NPFFR2: variants seen among roughly 807,000 people sequenced by gnomAD.
NPFFR2 encodes G-protein coupled receptor 74.
A neutral mutation model predicts 13.1 loss-of-function variants in NPFFR2; 15 were observed. That is an observed-to-expected ratio of 1.15 (90% confidence interval 0.77 to 1.76). The LOEUF is 1.76. Among genes scored for constraint, NPFFR2 ranks in the 40% most tolerant of loss-of-function variants. NPFFR2 has a pLI of 0.00. For missense variants in NPFFR2, 572 were observed against 503.5 expected, an observed-to-expected ratio of 1.14 and a Z score of -1.30; for synonymous variants, 190 against 175.7, an observed-to-expected ratio of 1.08 and a Z score of -0.65.
intron 1 of NPFFR2, among the ~76,000 whole-genome samples, chr4:72,121,332 A>T (rs1721872292): frequency 6.6e-6 from 1 of 152,188 alleles, no homozygotes; most frequent in South Asian, 2.1e-4. Context: ...ACTTTTCAGG[A>T]TATTATCCAG....
intron 1 of NPFFR2, among the ~76,000 whole-genome samples, chr4:72,079,596 A>G (rs1244364553): frequency 1.3e-5 from 2 of 152,226 alleles, no homozygotes; most frequent in Non-Finnish European, 2.9e-5. Flanking sequence ...TTGTTTAGGA[A>G]AAGATAAAAT....
intron 1 of NPFFR2, among the ~76,000 whole-genome samples, chr4:72,124,131 G>A (rs971269347): frequency 6.6e-6 from 1 of 152,086 alleles, no homozygotes; most frequent in Non-Finnish European, 1.5e-5. Flanking sequence ...TAGAAAAATA[G>A]AGCCAAATCA....
chr4:72,084,560 G>A (rs1175628566), intron 1 of NPFFR2, among the ~76,000 whole-genome samples: 1 of 152,148 alleles, frequency 6.6e-6, no homozygotes, highest in Non-Finnish European at 1.5e-5. Flanking sequence ...CAGTGCCTCA[G>A]ATTAATCATT....
At chr4:72,051,368 A>T (rs960853111) in intron 1 of NPFFR2, among the ~76,000 whole-genome samples, 1 of 152,158 alleles carries the variant, frequency 6.6e-6, no homozygotes, top group Non-Finnish European at 1.5e-5. Flanking sequence ...CTACATGGAA[A>T]CTGAACGACC....
At chr4:72,086,052 C>T (rs981985506) in intron 1 of NPFFR2, among the ~76,000 whole-genome samples, 1 of 151,984 alleles carries the variant, frequency 6.6e-6, no homozygotes, top group Admixed American at 6.6e-5. Flanking sequence ...TATCACATCA[C>T]AAGGTTATTA....
chr4:72,079,053 AACACACAC>A (rs59522916), intron 1 of NPFFR2, among the ~76,000 whole-genome samples: 115 of 139,214 alleles, frequency 8.3e-4, no homozygotes, highest in Non-Finnish European at 1.6e-3. Flanking sequence ...CATAGAACTA[AACACACAC>A]ACACACACAC....
At chr4:72,139,202 G>A (rs1206085800) in intron 3 of NPFFR2, among the ~76,000 whole-genome samples, 1 of 152,144 alleles carries the variant, frequency 6.6e-6, no homozygotes, top group Non-Finnish European at 1.5e-5. Context: ...CTCCCATTCT[G>A]TAGGTTGTCT....
intron 1 of NPFFR2, among the ~76,000 whole-genome samples, chr4:72,043,605 C>T (rs1235595443): frequency 2.6e-5 from 4 of 152,208 alleles, no homozygotes; most frequent in East Asian, 1.9e-4. Flanking sequence ...TAATAATTGC[C>T]CTATTGGATT....
At chr4:72,074,272 A>G (rs6813475) in intron 1 of NPFFR2, among the ~76,000 whole-genome samples, 136,719 of 151,930 alleles carry the variant, frequency 0.9, 62,463 homozygotes, top group Non-Finnish European at 0.98. Context: ...TTATTTTTGG[A>G]CTTTTCAATT....
chr4:72,146,906 A>T, intron 3 of NPFFR2, 72 bp from the exon 4 acceptor site: 1 of 1,021,880 alleles, frequency 9.8e-7, no homozygotes, highest in Non-Finnish European at 1.5e-6. Flanking sequence ...GTAACTACAT[A>T]AATAAATTTG....
At chr4:72,121,582 G>A (rs1721883234) in intron 1 of NPFFR2, among the ~76,000 whole-genome samples, 1 of 152,182 alleles carries the variant, frequency 6.6e-6, no homozygotes. Flanking sequence ...CAAGAAGAGA[G>A]TAGGGGCCAA....
intron 1 of NPFFR2, among the ~76,000 whole-genome samples, chr4:72,044,175 C>A (rs891654599): frequency 6.6e-6 from 1 of 152,118 alleles, no homozygotes; most frequent in Non-Finnish European, 1.5e-5. Context: ...TTCCTGAGGC[C>A]TCCCCACTCA....
intron 1 of NPFFR2, among the ~76,000 whole-genome samples, chr4:72,071,911 T>C (rs1440932124): frequency 6.6e-6 from 1 of 152,104 alleles, no homozygotes; most frequent in Admixed American, 6.6e-5. Context: ...CATTGAAGAC[T>C]AGCTCATTGA....
intron 1 of NPFFR2, among the ~76,000 whole-genome samples, chr4:72,043,003 T>C (rs962530374): frequency 6.6e-6 from 1 of 152,170 alleles, no homozygotes; most frequent in Non-Finnish European, 1.5e-5. Flanking sequence ...AAATGGTTTC[T>C]TAGGCCAAGT....
chr4:72,063,027 A>G (rs1425822482), intron 1 of NPFFR2, among the ~76,000 whole-genome samples: 2 of 152,244 alleles, frequency 1.3e-5, no homozygotes, highest in African/African-American at 2.4e-5. Flanking sequence ...AACTGTACAT[A>G]CACAGTGACA....
intron 2 of NPFFR2, among the ~76,000 whole-genome samples, chr4:72,135,479 T>C (rs982968274): frequency 3.9e-5 from 6 of 152,076 alleles, no homozygotes; most frequent in African/African-American, 1.4e-4. Context: ...GTCTCAACTT[T>C]CTCTTTTAAA....
rs149162358 is a variant in NPFFR2 at position 72,082,721 on chromosome 4, G to A, written c.-7-45864G>A. ...AGTATACGCTACATTATTATTAACT[G>A]TAATTACCTCGATGTACAATAGATA... On this transcript the variant is annotated intron_variant, in intron 1 of 3. Coordinates refer to ENST00000308744, the MANE Select transcript of NPFFR2 (RefSeq NM_004885.3). Among the ~76,000 whole-genome samples the A allele has an allele frequency of 5.7e-3, 870 of 152,066 alleles. 5 individuals are homozygous for A. Among genetic ancestry groups the A allele is most frequent in the African/African-American group, 0.02 (837 of 41,484 alleles).
In NPFFR2 at chr4:72,118,982, A is replaced by G. The variant is rs1332714922; in HGVS notation, c.-7-9603A>G. ...TCCATGATAGAGAATATAATAGTGGAACAGTTAATGACTTCTGACATGAAG... is the reference window on the plus strand; with the variant it reads ...TCCATGATAGAGAATATAATAGTGGGACAGTTAATGACTTCTGACATGAAG... On this transcript the variant is annotated intron_variant, in intron 1 of 3. Transcript: ENST00000308744. 2.6e-5 allele frequency among the ~76,000 whole-genome samples: 4 copies of G among 152,186 alleles called. No individual in the cohort carries two copies. The East Asian group carries it at 7.7e-4, about 29-fold the overall frequency.
intron 2 of NPFFR2, among the ~76,000 whole-genome samples, chr4:72,132,538 G>T (rs1037545945): frequency 2.6e-5 from 4 of 152,190 alleles, no homozygotes; most frequent in African/African-American, 4.8e-5. Flanking sequence ...TGGGTTGAAT[G>T]GTAGTTCTGT....
Sources: allele counts gnomAD v4.1 joint callset (sites outside exome capture counted in the v4.1 genomes callset), GRCh38; gene constraint gnomAD v4.1.1; transcripts MANE v1.5; gene names NCBI Gene and HGNC (gene_info 2026-07-23, HGNC 2026-07-21).